The following BEND5 variants were observed in gnomAD, a reference collection of about 807,000 sequenced individuals.
The protein encoded by BEND5 is BEN domain containing 5, also known as BEN domain-containing protein 5.
In BEND5, 22 loss-of-function variants were observed where a neutral mutation model predicts 43.9. That is an observed-to-expected ratio of 0.50 (90% CI 0.36 to 0.72). The LOEUF (loss-of-function observed/expected upper bound fraction) is 0.72, where lower values mean the gene tolerates loss of function less well. Among genes scored for constraint, BEND5 ranks in the 30% least tolerant of loss-of-function variants. BEND5 has a pLI of 0.00. For missense variants in BEND5, 428 were observed against 550.6 expected (o/e 0.78, Z 2.23); for synonymous variants, 228 against 225.9 (o/e 1.01, Z -0.08).
intron 1 of BEND5, among the ~76,000 whole-genome samples, chr1:48,765,102 C>A (rs1644465931): frequency 6.6e-6 from 1 of 152,042 alleles, no homozygotes; most frequent in African/African-American, 2.4e-5. Flanking sequence ...CTCAAAGATG[C>A]ATTACACATC....
intron 1 of BEND5, among the ~76,000 whole-genome samples, chr1:48,766,311 G>C (rs79664571): frequency 4.1e-4 from 63 of 152,296 alleles, no homozygotes; most frequent in African/African-American, 1.5e-3. Context: ...ATGTGCTATA[G>C]ATCTATGTGC....
At chr1:48,731,476 G>C (rs1443715570) in intron 5 of BEND5, among the ~76,000 whole-genome samples, 1 of 152,290 alleles carries the variant, frequency 6.6e-6, no homozygotes, top group East Asian at 1.9e-4. Context: ...GATACAGTAA[G>C]AAGAGAACTG....
intron 3 of BEND5, among the ~76,000 whole-genome samples, chr1:48,749,471 CT>C (rs1201418486): frequency 1.3e-5 from 2 of 152,324 alleles, no homozygotes; most frequent in Non-Finnish European, 2.9e-5. Context: ...AGTAAAGTAA[CT>C]TGCCAGAAGT....
intron 5 of BEND5, among the ~76,000 whole-genome samples, chr1:48,732,273 T>C (rs1252079111): frequency 1.3e-5 from 2 of 152,170 alleles, no homozygotes; most frequent in African/African-American, 2.4e-5. Flanking sequence ...CAATGTCATG[T>C]GGGCATCTGT....
At chr1:48,739,270 C>T (rs1454752538) in intron 4 of BEND5, among the ~76,000 whole-genome samples, 2 of 152,218 alleles carry the variant, frequency 1.3e-5, no homozygotes, top group African/African-American at 4.8e-5. Context: ...AGATTAAGTT[C>T]CCTAAAATAC....
Position 48,742,667 on chromosome 1 carries a change from C to T in BEND5, c.850G>A (p.Ala284Thr), listed in dbSNP as rs748499198. ...TACTTGTCCATGACAGGCGCAGGAGCGGGGTAATAGGACGACGTATTTGCT... is the reference window on the plus strand; with the variant it reads ...TACTTGTCCATGACAGGCGCAGGAGTGGGGTAATAGGACGACGTATTTGCT... ...EEANTSSYYP[A>T]PAPVMDKYIL... Residue 284 changes from alanine (A) to threonine (T), a missense_variant, in exon 4 of 6, where the codon GCT (alanine) becomes ACT (threonine). Physicochemically the swap from Ala to Thr is moderately conservative, Grantham distance 58. Coordinates refer to ENST00000371833, the MANE Select transcript of BEND5 (RefSeq NM_024603.4). 7.5e-6 allele frequency: 12 copies of T among 1,608,772 alleles called. No homozygotes were observed. Among genetic ancestry groups the T allele is most frequent in the South Asian group, 3.3e-5 (3 of 89,996 alleles).
chr1:48,733,562 A>C (rs1174012772), intron 5 of BEND5, among the ~76,000 whole-genome samples: 1 of 152,202 alleles, frequency 6.6e-6, no homozygotes, highest in African/African-American at 2.4e-5. Flanking sequence ...AACTCACACA[A>C]CTTGGCAGAT....
At chr1:48,729,122 T>A (rs1276878364) in intron 5 of BEND5, among the ~76,000 whole-genome samples, 2 of 152,210 alleles carry the variant, frequency 1.3e-5, no homozygotes, top group Non-Finnish European at 2.9e-5. Context: ...TTTTTAATGC[T>A]GCCATGAGGC....
intron 1 of BEND5, among the ~76,000 whole-genome samples, chr1:48,766,812 C>A (rs1433973781): frequency 6.6e-6 from 1 of 152,162 alleles, no homozygotes; most frequent in Non-Finnish European, 1.5e-5. Context: ...TCGGGAAGTC[C>A]CAAGTCCTCT....
intron 4 of BEND5, among the ~76,000 whole-genome samples, 175 bp downstream of exon 4, chr1:48,742,448 A>T (rs1342462285): frequency 6.6e-6 from 1 of 152,180 alleles, no homozygotes; most frequent in African/African-American, 2.4e-5. Context: ...GGAAGAGAAA[A>T]CGCCCCAGCA....
chr1:48,728,123 T>C (rs999915342), intron 5 of BEND5, 80 bp from the exon 6 acceptor site: 3 of 1,319,532 alleles, frequency 2.3e-6, no homozygotes, highest in African/African-American at 3.0e-5. Context: ...AAAGAAAATG[T>C]ACCTCCCAAC....
At position 48,761,360 on chromosome 1, in the gene BEND5, C is replaced by A. The variant is rs954925796; in HGVS notation, c.337G>T (p.Asp113Tyr). 2 of 1,551,824 alleles carry A rather than the reference C, an allele frequency of 1.3e-6. No individual in the cohort carries two copies. The highest frequency in any genetic ancestry group is 2.7e-5 in the African/African-American group (2 of 73,028). Residue 113 changes from aspartate to tyrosine, a missense_variant, in exon 2 of 6, where the codon GAT becomes TAT. Transcript: ENST00000371833. ...ACCTTGATGTGTCTAAGCTGTAAAT[C>A]TTCTTCCCCATAATCTTTAACCTCT... Reference protein sequence around the residue: ...DGEVKDYGEEDLQLRHIKRPE... With the variant: ...DGEVKDYGEEYLQLRHIKRPE...
At chr1:48,763,674 C>G (rs1267222254) in intron 1 of BEND5, among the ~76,000 whole-genome samples, 3 of 152,322 alleles carry the variant, frequency 2.0e-5, no homozygotes, top group African/African-American at 7.2e-5. Context: ...TGCGCTGAAA[C>G]TCTGTAGCTC....
intron 1 of BEND5, among the ~76,000 whole-genome samples, chr1:48,764,802 T>A (rs1644450790): frequency 6.6e-6 from 1 of 152,212 alleles, no homozygotes; most frequent in South Asian, 2.1e-4. Flanking sequence ...TCAGTAAATG[T>A]TCCTTGAAAA....
At chr1:48,763,191 G>C (rs1449789017) in intron 1 of BEND5, among the ~76,000 whole-genome samples, 1 of 152,128 alleles carries the variant, frequency 6.6e-6, no homozygotes, top group Non-Finnish European at 1.5e-5. Flanking sequence ...AAAAGAGGTG[G>C]TCTTTGTTAA....
chr1:48,731,005 C>T (rs970502846), intron 5 of BEND5, among the ~76,000 whole-genome samples: 1 of 152,146 alleles, frequency 6.6e-6, no homozygotes, highest in Non-Finnish European at 1.5e-5. Context: ...CCTCTGCTAT[C>T]GGGTAAGGAA....
intron 1 of BEND5, among the ~76,000 whole-genome samples, chr1:48,769,379 C>T (rs922833341): frequency 6.6e-5 from 10 of 152,080 alleles, no homozygotes; most frequent in Admixed American, 6.6e-5. Flanking sequence ...TTCTATGGAG[C>T]CATTTGTCTA....
chr1:48,748,017 A>T (rs1469901862), intron 3 of BEND5, among the ~76,000 whole-genome samples: 1 of 152,166 alleles, frequency 6.6e-6, no homozygotes, highest in Non-Finnish European at 1.5e-5. Flanking sequence ...TATTTTCTTC[A>T]TAAATGCATA....
rs372985075 is a variant in BEND5 at position 48,728,942 on chromosome 1, C to A, written c.1109-899G>T. On this transcript the variant is annotated intron_variant, in intron 5 of 5. Transcript: ENST00000371833. The stretch of plus-strand genomic sequence containing the variant: ...TGATTACTAATGAGGCTCAGTACGG[C>A]CACTCTCTTACTGAGTCCACCATTT... Among the ~76,000 whole-genome samples the A allele has an allele frequency of 5.3e-4, 80 of 152,274 alleles. 1 individual carries two copies. In the South Asian group the frequency reaches 0.013, roughly 25 times the overall value.
Sources: gnomAD v4.1 joint callset for allele counts (sites outside exome capture counted in the v4.1 genomes callset) on GRCh38, gnomAD v4.1.1 for gene constraint, MANE v1.5 for transcripts, NCBI Gene and HGNC (gene_info 2026-07-23, HGNC 2026-07-21) for gene names.